SPEN: variants seen among roughly 807,000 people sequenced by gnomAD.
The protein encoded by SPEN is msx2-interacting protein.
In SPEN, 18 loss-of-function variants were observed where a neutral mutation model predicts 269.9. That is an observed-to-expected ratio of 0.07 (90% CI 0.05 to 0.10). SPEN has a LOEUF of 0.10. Among genes scored for constraint, SPEN ranks in the 10% least tolerant of loss-of-function variants. SPEN has a pLI of 1.00. For synonymous variants in SPEN, 1,726 were observed against 1,765.7 expected (o/e 0.98, Z 0.56); for missense variants, 3,822 against 4,631.2 (o/e 0.83, Z 5.07).
chr1:15,939,266 G>A lies in SPEN; in HGVS notation c.10864-30G>A. ...GGAGTTGTGGGGGTGAAGACAGACG[G>A]TCCCACTTTGCTCTCTATCCTGTCT... On this transcript the variant is annotated intron_variant, in intron 14 of 14. Coordinates refer to ENST00000375759, the MANE Select transcript of SPEN (RefSeq NM_015001.3). The surrounding 1 kb of genome is among the most constrained non-coding windows in gnomAD (Gnocchi z 4.1). 1 of 1,530,950 alleles carries A rather than the reference G, an allele frequency of 6.5e-7. No homozygotes were observed. Among genetic ancestry groups the A allele is most frequent in the Non-Finnish European group, 8.8e-7 (1 of 1,135,108 alleles). 94.8% of individuals were successfully genotyped at this position (1,530,950 alleles called of 1,614,324 possible). A position where few individuals can be genotyped will look rare whatever the true frequency, so the allele number is the denominator to read the frequency against.
At position 15,937,603 on chromosome 1, in the gene SPEN, C is replaced by T; in HGVS notation, c.10467C>T (p.His3489=). Residue 3489 remains histidine (H), a synonymous_variant, in exon 12 of 15, where the codon CAC becomes CAT. Coordinates refer to ENST00000375759, the MANE Select transcript of SPEN (RefSeq NM_015001.3). This position sits in a 1 kb window ranked among gnomAD's most constrained non-coding sequence, Gnocchi z 5.7. ...QPAPKQDSSP[H]LTSQRPVDMV... ...CCCCCAAACAAGATTCCTCTCCACA[C>T]CTGACTTCCCAGAGACCCGTGGATA... 7.4e-6 allele frequency: 12 copies of T among 1,614,140 alleles called. No individual in the cohort carries two copies. The highest frequency in any genetic ancestry group is 1.0e-5 in the Non-Finnish European group (12 of 1,179,954).
chr1:15,932,796 G>T lies in SPEN; in HGVS notation c.6556G>T (p.Ala2186Ser), dbSNP rs753570598. 3 of 1,614,182 alleles carry T rather than the reference G, an allele frequency of 1.9e-6. No homozygotes were observed. Among genetic ancestry groups the T allele is most frequent in the Non-Finnish European group, 2.5e-6 (3 of 1,180,022 alleles). Residue 2186 changes from alanine to serine, a missense_variant, in exon 11 of 15, where the codon GCC (alanine) becomes TCC (serine). Ala to Ser is a moderately conservative substitution (Grantham distance 99, BLOSUM62 1). Transcript: ENST00000375759. This position sits in a 1 kb window ranked among gnomAD's most constrained non-coding sequence, Gnocchi z 4.2. ...EHIAKLAEAS[A>S]SAAYKADAPE... ...CATCGCAAAGCTCGCTGAGGCCTCT[G>T]CCTCTGCTGCCTATAAGGCAGATGC...
chr1:15,926,339 A>G (rs2071166499), intron 10 of SPEN, among the ~76,000 whole-genome samples: 1 of 151,892 alleles, frequency 6.6e-6, no homozygotes, highest in South Asian at 2.1e-4. Context: ...GGTGGAGAGC[A>G]GTGAGCCGAG....
intron 2 of SPEN, chr1:15,874,500 A>AGAAAGG: frequency 2.4e-6 from 2 of 838,694 alleles, no homozygotes; most frequent in Non-Finnish European, 3.3e-6. Flanking sequence ...ATAGTGAATC[A>AGAAAGG]GAGAATAGCC....
intron 6 of SPEN, among the ~76,000 whole-genome samples, chr1:15,917,492 C>T (rs1437555360): frequency 2.6e-5 from 4 of 152,074 alleles, no homozygotes; most frequent in Non-Finnish European, 4.4e-5. Flanking sequence ...TGGGTTCAAG[C>T]GATTCTCCTG....
At chr1:15,883,544 C>T (rs757095326) in intron 3 of SPEN, among the ~76,000 whole-genome samples, 4 of 151,832 alleles carry the variant, frequency 2.6e-5, no homozygotes, top group Non-Finnish European at 5.9e-5. Flanking sequence ...CCTCAGCCTC[C>T]TGAGTAGCTG....
intron 3 of SPEN, among the ~76,000 whole-genome samples, chr1:15,878,596 T>G (rs916897284): frequency 2.0e-5 from 3 of 152,226 alleles, no homozygotes; most frequent in Admixed American, 6.5e-5. Flanking sequence ...TATAAAATCT[T>G]GTTCCACTTT....
intron 1 of SPEN, among the ~76,000 whole-genome samples, chr1:15,849,096 G>A (rs1448821155): frequency 6.6e-6 from 1 of 152,134 alleles, no homozygotes; most frequent in Non-Finnish European, 1.5e-5. Context: ...AAATGCCTGT[G>A]TACCGTAACA....
At chr1:15,874,529 T>C (rs1436420795) in intron 2 of SPEN, 37 of 561,582 alleles carry the variant, frequency 6.6e-5, no homozygotes, top group Non-Finnish European at 7.1e-5. Context: ...TCAGCTCTGC[T>C]AGCTCTTGTG....
chr1:15,911,358 A>C, intron 5 of SPEN, 57 bp downstream of exon 5: 2 of 1,385,828 alleles, frequency 1.4e-6, no homozygotes, highest in Admixed American at 1.7e-5. Flanking sequence ...TTTGTGTTGC[A>C]GTGTATGAGA....
At chr1:15,876,159 T>C (rs201602541) in intron 2 of SPEN, 43 bp from the exon 3 acceptor site, 110 of 1,503,296 alleles carry the variant, frequency 7.3e-5, no homozygotes, top group Non-Finnish European at 9.5e-5. Context: ...TTAGTTTTGC[T>C]TGCTCCTTTC....
chr1:15,888,310 C>CT (rs759333161), intron 3 of SPEN, among the ~76,000 whole-genome samples: 168 of 141,030 alleles, frequency 1.2e-3, no homozygotes, highest in South Asian at 1.6e-3. Flanking sequence ...TATGTAAACT[C>CT]TTTTTTTTTT....
rs766885652 is a variant in SPEN at position 15,928,243 on chromosome 1, A to G, written c.2003A>G (p.Tyr668Cys). The G allele has an allele frequency of 1.2e-6, 2 of 1,614,196 alleles. No individual in the cohort carries two copies. Among genetic ancestry groups the G allele is most frequent in the Non-Finnish European group, 1.7e-6 (2 of 1,180,032 alleles). Residue 668 changes from tyrosine (Y) to cysteine (C), a missense_variant, in exon 11 of 15, where the codon TAC becomes TGC. This residue lies in a region of SPEN where 572 missense variants were observed against 582.6 expected (regional missense o/e 0.98). Transcript: ENST00000375759. The surrounding 1 kb of genome is among the most constrained non-coding windows in gnomAD (Gnocchi z 5.7). ...GAATGGGAAACTTACCAAGGAGACTACTATGAATCACGATACTACGATGAT... is the reference window on the plus strand; with the variant it reads ...GAATGGGAAACTTACCAAGGAGACTGCTATGAATCACGATACTACGATGAT... ...YSEWETYQGD[Y>C]YESRYYDDPR...
intron 1 of SPEN, among the ~76,000 whole-genome samples, chr1:15,862,072 C>T (rs948069509): frequency 2.0e-5 from 3 of 151,858 alleles, no homozygotes; most frequent in East Asian, 1.9e-4. Flanking sequence ...ACAAAAATTG[C>T]GGGAGTTAGC....
At chr1:15,899,479 A>G (rs1485204357) in intron 3 of SPEN, among the ~76,000 whole-genome samples, 2 of 147,360 alleles carry the variant, frequency 1.4e-5, no homozygotes, top group Admixed American at 1.4e-4. Flanking sequence ...TGCGCTCGGC[A>G]GTTTGTTTTT....
chr1:15,897,431 C>T (rs1234495332), intron 3 of SPEN, among the ~76,000 whole-genome samples: 2 of 151,114 alleles, frequency 1.3e-5, no homozygotes, highest in Admixed American at 6.6e-5. Context: ...GGCGTAGTCT[C>T]GGCTAACCGC....
At chr1:15,924,686 C>T (rs1230276076) in intron 10 of SPEN, among the ~76,000 whole-genome samples, 1 of 152,184 alleles carries the variant, frequency 6.6e-6, no homozygotes, top group Non-Finnish European at 1.5e-5. Context: ...TCTCAAATTC[C>T]TGACCTCAGG....
rs1443012114 is a variant in SPEN at position 15,849,437 on chromosome 1, A to G, written c.83+1287A>G. On this transcript the variant is annotated intron_variant, in intron 1 of 14. Transcript: ENST00000375759. ...ATTGATTGTGTTGGTGGTTGCTGTT[A>G]CTGGGGCATTAAACCCTCGCCGCTG... Among the ~76,000 whole-genome samples, 3 of 152,218 alleles carry G rather than the reference A, an allele frequency of 2.0e-5. No homozygotes were observed. The East Asian group carries it at 5.8e-4, about 29-fold the overall frequency.
At chr1:15,920,046 CA>C (rs1327502717) in intron 8 of SPEN, among the ~76,000 whole-genome samples, 1 of 149,258 alleles carries the variant, frequency 6.7e-6, no homozygotes, top group African/African-American at 2.4e-5. Flanking sequence ...ATACCCTTGA[CA>C]ATGCTTTTTT....
Sources: gnomAD v4.1 joint callset for allele counts (sites outside exome capture counted in the v4.1 genomes callset) on GRCh38, gnomAD v4.1.1 for gene constraint, gnomAD v4.1.1 regional missense constraint, Gnocchi (gnomAD v3.1) non-coding constraint, MANE v1.5 for transcripts, NCBI Gene and HGNC (gene_info 2026-07-23, HGNC 2026-07-21) for gene names.